Variants in RALGAPA1 observed in about 807,000 individuals in gnomAD.
RALGAPA1 encodes the protein Ral GTPase activating protein catalytic subunit alpha 1.
Under a neutral mutation model 269.6 loss-of-function variants are expected in RALGAPA1, and 52 were observed. The ratio of observed to expected loss-of-function variants is 0.19; its 90% CI spans 0.15 to 0.24. The LOEUF is 0.24. RALGAPA1 is among the 10% of genes least tolerant of loss of function. The pLI is 1.00. For missense variants in RALGAPA1, 1,917 were observed against 3,013.9 expected (o/e 0.64, Z 8.52); for synonymous variants, 817 against 1,008.3 (o/e 0.81, Z 3.60).
chr14:35,656,012 T>C (rs2063152023), intron 28 of RALGAPA1, 97 bp from the exon 29 acceptor site: 1 of 1,573,040 alleles, frequency 6.4e-7, no homozygotes, highest in Admixed American at 2.0e-5. Flanking sequence ...TGCACTATTT[T>C]AAATGAATTA....
chr14:35,597,720 C>T (rs1160805325), intron 36 of RALGAPA1, among the ~76,000 whole-genome samples: 1 of 152,152 alleles, frequency 6.6e-6, no homozygotes, highest in Non-Finnish European at 1.5e-5. Flanking sequence ...CCCTCCTTAA[C>T]CCCTGGCAAT....
chr14:35,775,246 T>C (rs542994458), intron 2 of RALGAPA1, among the ~76,000 whole-genome samples, 191 bp from the exon 3 acceptor site: 1 of 152,314 alleles, frequency 6.6e-6, no homozygotes, highest in South Asian at 2.1e-4. Flanking sequence ...TAATTAAATT[T>C]AGGTTCCACA....
chr14:35,576,619 A>G (rs986835657), intron 37 of RALGAPA1, among the ~76,000 whole-genome samples: 34 of 152,186 alleles, frequency 2.2e-4, no homozygotes, highest in African/African-American at 7.5e-4. Context: ...ACAAAACCCT[A>G]TATTTATTAA....
At chr14:35,633,578 C>A (rs1306534234) in intron 33 of RALGAPA1, among the ~76,000 whole-genome samples, 1 of 152,038 alleles carries the variant, frequency 6.6e-6, no homozygotes, top group Admixed American at 6.6e-5. Context: ...TACTGTTACT[C>A]AATACTGCTG....
intron 1 of RALGAPA1, among the ~76,000 whole-genome samples, chr14:35,785,606 T>C (rs2075741136): frequency 1.3e-5 from 2 of 152,206 alleles, no homozygotes; most frequent in Admixed American, 6.5e-5. Context: ...ACCAGTTTTT[T>C]TGTTTTGGTT....
rs1279289119 is a variant in RALGAPA1 at position 35,678,113 on chromosome 14, A to T, written c.4472-11T>A. 1.3e-6 allele frequency: 2 copies of T among 1,595,968 alleles called. No homozygotes were observed. Among genetic ancestry groups the T allele is most frequent in the East Asian group, 2.3e-5 (1 of 44,350 alleles). On this transcript the variant is annotated splice_polypyrimidine_tract_variant and intron_variant, in intron 21 of 41. Coordinates refer to ENST00000680220, the MANE Select transcript of RALGAPA1 (RefSeq NM_001346249.2). The stretch of plus-strand genomic sequence containing the variant: ...AAGCACTTTCTGAACCTGTAAATAT[A>T]ATTTCATAAAATTACCATAAAGAGT...
At chr14:35,781,570 A>C (rs886296034) in intron 1 of RALGAPA1, among the ~76,000 whole-genome samples, 4 of 89,726 alleles carry the variant, frequency 4.5e-5, no homozygotes, top group Non-Finnish European at 8.4e-5. Context: ...AATACTAGAA[A>C]ACTGAATCTA....
intron 17 of RALGAPA1, among the ~76,000 whole-genome samples, chr14:35,699,887 T>C (rs909772274): frequency 2.4e-5 from 2 of 82,524 alleles, no homozygotes; most frequent in African/African-American, 5.2e-5. Context: ...AAGAAAAAAA[T>C]CAAACAGCAA....
At chr14:35,783,866 T>C (rs1455952383) in intron 1 of RALGAPA1, among the ~76,000 whole-genome samples, 3 of 152,162 alleles carry the variant, frequency 2.0e-5, no homozygotes, top group Non-Finnish European at 4.4e-5. Flanking sequence ...AATGAGATAC[T>C]ACTTCTAACC....
intron 37 of RALGAPA1, among the ~76,000 whole-genome samples, chr14:35,585,371 T>C (rs2139672253): frequency 6.6e-6 from 1 of 152,322 alleles, no homozygotes. Flanking sequence ...TTAAACAACA[T>C]ACTTCTTAAA....
At chr14:35,589,186 T>C (rs1431106034) in intron 37 of RALGAPA1, among the ~76,000 whole-genome samples, 1 of 152,214 alleles carries the variant, frequency 6.6e-6, no homozygotes, top group Non-Finnish European at 1.5e-5. Flanking sequence ...TCATTATAAA[T>C]TTGATGATAA....
chr14:35,691,756 G>C (rs2066501104), intron 17 of RALGAPA1, among the ~76,000 whole-genome samples: 1 of 152,080 alleles, frequency 6.6e-6, no homozygotes, highest in Non-Finnish European at 1.5e-5. Context: ...GATCAACATA[G>C]GTTTGTATTA....
chr14:35,751,824 A>AAAAAAG (rs1190849096), intron 8 of RALGAPA1, among the ~76,000 whole-genome samples, 200 bp downstream of exon 8: 1 of 151,894 alleles, frequency 6.6e-6, no homozygotes, highest in South Asian at 2.1e-4. Flanking sequence ...AAAAAAAACA[A>AAAAAAG]AAAAAGAAAA....
chr14:35,674,619 C>A lies in RALGAPA1; in HGVS notation c.4715G>T (p.Arg1572Leu), dbSNP rs147148745. The A allele has an allele frequency of 1.9e-6, 3 of 1,588,294 alleles. No individual in the cohort carries two copies. The South Asian group carries it at 3.3e-5, about 18-fold the overall frequency. Residue 1572 changes from arginine to leucine, a missense_variant, in exon 23 of 42, where the codon CGA (arginine) becomes CTA (leucine). Coordinates refer to ENST00000680220, the MANE Select transcript of RALGAPA1 (RefSeq NM_001346249.2). ...ATCTCCCAAAATGCCTAGCATTCTT[C>A]GCCACATTACAGTAGCAACATCAGC... ...WHADVATVMW[R>L]RMLGILGDVN...
chr14:35,718,296 A>G (rs1452029681), intron 16 of RALGAPA1, among the ~76,000 whole-genome samples: 1 of 152,230 alleles, frequency 6.6e-6, no homozygotes, highest in Non-Finnish European at 1.5e-5. Flanking sequence ...GTGAGTACTT[A>G]AAGGAATTTT....
Position 35,689,173 on chromosome 14 carries a change from C to T in RALGAPA1, c.3238G>A (p.Val1080Ile), listed in dbSNP as rs1368676202. The T allele has an allele frequency of 8.1e-7, 1 of 1,233,282 alleles. No individual in the cohort carries two copies. The highest frequency in any genetic ancestry group is 3.2e-5 in the East Asian group (1 of 31,734). 76.4% of individuals were successfully genotyped at this position (1,233,282 alleles called of 1,614,324 possible). Reference protein sequence around the residue: ...ELDACVDVTLVEKLKSVQINE... With the variant: ...ELDACVDVTLIEKLKSVQINE... ...ATTTGCACACTCTTAAGCTTTTCAA[C>T]TAGTGTTACATCAACACAAGCATCT... The change falls in exon 18 of 42, where the codon GTT (valine) becomes ATT (isoleucine). Residue 1080 changes from valine to isoleucine, a missense_variant. Transcript: ENST00000680220.
At chr14:35,543,515 C>T (rs1319467193) in intron 41 of RALGAPA1, among the ~76,000 whole-genome samples, 17 of 152,112 alleles carry the variant, frequency 1.1e-4, no homozygotes, top group Non-Finnish European at 2.9e-5. Context: ...AAAATATAAC[C>T]TTATATTAAA....
chr14:35,791,497 C>T (rs2076165132), intron 1 of RALGAPA1, among the ~76,000 whole-genome samples: 1 of 151,952 alleles, frequency 6.6e-6, no homozygotes, highest in Non-Finnish European at 1.5e-5. Context: ...ATCCCAGCAA[C>T]TCGGGAGGCT....
intron 33 of RALGAPA1, among the ~76,000 whole-genome samples, chr14:35,630,813 G>A (rs1333262713): frequency 6.6e-6 from 1 of 152,166 alleles, no homozygotes; most frequent in Non-Finnish European, 1.5e-5. Flanking sequence ...GGAGGTTGCA[G>A]TGAACTGAGA....
Sources: gnomAD v4.1 joint callset for allele counts (sites outside exome capture counted in the v4.1 genomes callset) on GRCh38, gnomAD v4.1.1 for gene constraint, MANE v1.5 for transcripts, NCBI Gene and HGNC (gene_info 2026-07-23, HGNC 2026-07-21) for gene names.